The following EDA2R variants were observed in gnomAD, a reference collection of about 807,000 sequenced individuals.
EDA2R encodes the protein tumor necrosis factor receptor superfamily member 27.
A neutral mutation model predicts 20.1 loss-of-function variants in EDA2R; 26 were observed. That is an observed-to-expected ratio of 1.30 (90% CI 0.95 to 1.80). EDA2R has a LOEUF of 1.80. Ranked by LOEUF, EDA2R falls within the 40% of genes most tolerant of loss-of-function variation. The pLI is 0.00. For missense variants in EDA2R, 277 were observed against 228.7 expected, an observed-to-expected ratio of 1.21 and a Z score of -1.36; for synonymous variants, 114 against 88.7, an observed-to-expected ratio of 1.29 and a Z score of -1.60.
chrX:66,602,146 C>G (rs775519506), intron 5 of EDA2R, among the ~76,000 whole-genome samples: 1 of 111,308 alleles, frequency 9.0e-6, no homozygotes. Flanking sequence ...TCAGATATAG[C>G]CAAGCCTTCC....
chrX:66,628,834 C>T (rs996030541), intron 1 of EDA2R, among the ~76,000 whole-genome samples: 1 of 111,259 alleles, frequency 9.0e-6, no homozygotes, highest in African/African-American at 3.3e-5. Context: ...CACCCTAATT[C>T]ATTCTATGAA....
chrX:66,604,652 T>G (rs780162636), intron 3 of EDA2R, 146 bp from the exon 4 acceptor site: 138 of 491,409 alleles, frequency 2.8e-4, no homozygotes, highest in Non-Finnish European at 3.9e-4. Context: ...CCTCTGTGTC[T>G]TTTTCTGACT....
intron 4 of EDA2R, among the ~76,000 whole-genome samples, chrX:66,603,985 G>T (rs1391299611): frequency 3.6e-5 from 4 of 112,046 alleles, no homozygotes; most frequent in African/African-American, 1.3e-4. Context: ...TAGACGATTA[G>T]ATAAATGGAT....
In EDA2R at chrX:66,605,020, C is replaced by G. The variant is rs148045310; in HGVS notation, c.266+28G>C. On this transcript the variant is annotated intron_variant, in intron 3 of 6. Transcript: ENST00000374719. The stretch of plus-strand genomic sequence containing the variant: ...CCTCCAACAGCTAGAAAAGCCCAGA[C>G]AAGCTTGGTCTCATAAAGCAAGCTC... 2.3e-3 allele frequency: 2,701 copies of G among 1,161,267 alleles called. 7 individuals carry two copies. The highest frequency in any genetic ancestry group is 7.3e-3 in the Middle Eastern group (30 of 4,091).
At chrX:66,629,475 T>TA (rs1933491065) in intron 1 of EDA2R, among the ~76,000 whole-genome samples, 1 of 111,827 alleles carries the variant, frequency 8.9e-6, no homozygotes, top group Non-Finnish European at 1.9e-5. Context: ...CTAGAACTGA[T>TA]AAAATAACTC....
chrX:66,611,683 A>C (rs1425288520), intron 2 of EDA2R, among the ~76,000 whole-genome samples: 2 of 111,410 alleles, frequency 1.8e-5, no homozygotes, highest in Non-Finnish European at 3.8e-5. Context: ...AAGCCTCAAG[A>C]ACCTATGAGA....
intron 1 of EDA2R, among the ~76,000 whole-genome samples, chrX:66,630,900 T>C (rs1225439963): frequency 1.8e-5 from 2 of 109,701 alleles, no homozygotes; most frequent in African/African-American, 3.3e-5. Flanking sequence ...CATATATACA[T>C]ATATACACAC....
chrX:66,600,117 T>A, intron 5 of EDA2R: 1 of 1,117,306 alleles, frequency 9.0e-7, no homozygotes. Context: ...GAAACCTTTG[T>A]GGGAAACAGG....
In EDA2R at chrX:66,599,472, A is replaced by G; in HGVS notation, c.*10+2T>C. On this transcript the variant is annotated splice_donor_variant, in intron 6 of 6. Transcript: ENST00000374719. LOFTEE classifies it low-confidence loss of function (3UTR_SPLICE). ...TTTTTCTGATCCACCTTTCCAGCTC[A>G]CCTCATTAGAGTTAAGGGCTGGGAA... 1 of 1,128,399 alleles carries G rather than the reference A, an allele frequency of 8.9e-7. No individual in the cohort carries two copies. The highest frequency in any genetic ancestry group is 1.2e-6 in the Non-Finnish European group (1 of 853,635). 93.0% of individuals were successfully genotyped at this position (1,128,399 alleles called of 1,213,427 possible).
chrX:66,624,522 T>C (rs1051293320), intron 1 of EDA2R, among the ~76,000 whole-genome samples: 12 of 111,330 alleles, frequency 1.1e-4, no homozygotes, highest in African/African-American at 3.3e-4. Flanking sequence ...CTGTCTCAAA[T>C]AAATAAATGA....
At chrX:66,599,373 T>G (rs1928067403) in intron 6 of EDA2R, 101 bp downstream of exon 6, 1 of 948,803 alleles carries the variant, frequency 1.1e-6, no homozygotes, top group African/African-American at 2.0e-5. Context: ...GTTCCTCCAC[T>G]CCTAGTGAAT....
chrX:66,617,486 A>T (rs1042995386), intron 1 of EDA2R, among the ~76,000 whole-genome samples: 1 of 111,794 alleles, frequency 8.9e-6, no homozygotes, highest in African/African-American at 3.3e-5. Flanking sequence ...CATGACCAGG[A>T]AGTTAAGCAC....
chrX:66,623,035 T>C (rs1469284263), intron 1 of EDA2R, among the ~76,000 whole-genome samples: 1 of 111,945 alleles, frequency 8.9e-6, no homozygotes, highest in East Asian at 2.8e-4. Context: ...CCAGTGGTTC[T>C]CAGTCTTGGT....
At chrX:66,605,911 A>T (rs1162071010) in intron 2 of EDA2R, among the ~76,000 whole-genome samples, 1 of 112,319 alleles carries the variant, frequency 8.9e-6, no homozygotes, top group Non-Finnish European at 1.9e-5. Flanking sequence ...ATAAAAAGTT[A>T]TTTCTTACTC....
intron 6 of EDA2R, among the ~76,000 whole-genome samples, chrX:66,598,679 ATATCAGT>A (rs1374413998): frequency 8.9e-6 from 1 of 112,270 alleles, no homozygotes; most frequent in East Asian, 2.8e-4. Flanking sequence ...TTCAAATTTG[ATATCAGT>A]TATGACTTTC....
rs746281957 is a variant in EDA2R at position 66,605,192 on chromosome X, C to T, written c.122G>A (p.Cys41Tyr). Residue 41 changes from cysteine (C) to tyrosine (Y), a missense_variant, in exon 3 of 7, where the codon TGC becomes TAC. By Grantham distance (194) the Cys-to-Tyr change is radical. Transcript: ENST00000374719. ...CGYGEGGDAYCTACPPRRYKS... is the reference protein window; with the variant it reads ...CGYGEGGDAYYTACPPRRYKS... Reference sequence around the variant, plus strand: ...GTACCTGCGAGGAGGGCAGGCTGTGCAGTAGGCATCTCCACCCTCTCCATA... The same window carrying T: ...GTACCTGCGAGGAGGGCAGGCTGTGTAGTAGGCATCTCCACCCTCTCCATA... 1 of 1,207,106 alleles carries T rather than the reference C, an allele frequency of 8.3e-7. No individual in the cohort carries two copies. The highest frequency in any genetic ancestry group is 1.8e-5 in the South Asian group (1 of 56,136).
chrX:66,602,247 C>A (rs888195051), intron 5 of EDA2R, among the ~76,000 whole-genome samples: 3 of 111,570 alleles, frequency 2.7e-5, no homozygotes, highest in Non-Finnish European at 5.6e-5. Context: ...CCAATCCTAT[C>A]TCTTATCTTA....
intron 1 of EDA2R, among the ~76,000 whole-genome samples, chrX:66,627,109 C>T (rs1233599526): frequency 8.9e-6 from 1 of 111,831 alleles, no homozygotes; most frequent in African/African-American, 3.3e-5. Flanking sequence ...ACAAGAACTG[C>T]TAAAAGGAGC....
chrX:66,620,320 A>C (rs1305787683), intron 1 of EDA2R, among the ~76,000 whole-genome samples: 1 of 111,586 alleles, frequency 9.0e-6, no homozygotes, highest in African/African-American at 3.3e-5. Flanking sequence ...GGATTTTTTA[A>C]AGAATGCCAA....
Sources: allele counts gnomAD v4.1 joint callset (sites outside exome capture counted in the v4.1 genomes callset), GRCh38; gene constraint gnomAD v4.1.1; transcripts MANE v1.5; gene names NCBI Gene and HGNC (gene_info 2026-07-23, HGNC 2026-07-21).